The following CNTNAP5 variants were observed in gnomAD, a reference collection of about 807,000 sequenced individuals.
CNTNAP5 encodes the protein contactin-associated protein-like 5.
Under a neutral mutation model 150.2 loss-of-function variants are expected in CNTNAP5, and 72 were observed. The observed-to-expected ratio is 0.48, with a 90% CI of 0.40 to 0.58. CNTNAP5 has a LOEUF of 0.58. Among genes scored for constraint, CNTNAP5 ranks in the 20% least tolerant of loss-of-function variants. The pLI is 0.00. For synonymous variants in CNTNAP5, 672 were observed against 619.8 expected, an observed-to-expected ratio of 1.08 and a Z score of -1.25; for missense variants, 1,636 against 1,626.2, an observed-to-expected ratio of 1.01 and a Z score of -0.10.
At chr2:124,744,823 C>T (rs1015571586) in intron 13 of CNTNAP5, among the ~76,000 whole-genome samples, 3 of 152,136 alleles carry the variant, frequency 2.0e-5, no homozygotes, top group Non-Finnish European at 4.4e-5. Context: ...GTTTGATCCT[C>T]AGTATCTTCA....
chr2:124,492,298 G>A (rs2104851023), intron 7 of CNTNAP5, among the ~76,000 whole-genome samples: 1 of 152,250 alleles, frequency 6.6e-6, no homozygotes, highest in Non-Finnish European at 1.5e-5. Context: ...TGTGAGTGTT[G>A]TAAGACAAGG....
intron 2 of CNTNAP5, among the ~76,000 whole-genome samples, chr2:124,231,837 C>G (rs529263130): frequency 6.6e-6 from 1 of 152,136 alleles, no homozygotes; most frequent in South Asian, 2.1e-4. Flanking sequence ...TGTGATAGCC[C>G]TCTATTCAGG....
chr2:124,458,961 G>A (rs538956091), intron 6 of CNTNAP5, among the ~76,000 whole-genome samples: 10 of 152,204 alleles, frequency 6.6e-5, no homozygotes, highest in South Asian at 4.1e-4. Context: ...ACTGTTGATG[G>A]CACTATAATT....
chr2:124,410,745 T>G lies in CNTNAP5; in HGVS notation c.382-6698T>G, dbSNP rs912276645. On this transcript the variant is annotated intron_variant, in intron 3 of 23. Coordinates refer to ENST00000682447, the MANE Select transcript of CNTNAP5 (RefSeq NM_001367498.1). Reference sequence around the variant, plus strand: ...ATTCAGAGCAGTGTGTAGAGGGAAATTTATAGCACTAAATGCCCACAAGAG... The same window carrying G: ...ATTCAGAGCAGTGTGTAGAGGGAAAGTTATAGCACTAAATGCCCACAAGAG... Among the ~76,000 whole-genome samples the G allele has an allele frequency of 9.3e-5, 14 of 150,878 alleles. No homozygotes were observed. The East Asian group carries it at 2.7e-3, about 30-fold the overall frequency.
At chr2:124,622,695 A>C (rs917414275) in intron 12 of CNTNAP5, among the ~76,000 whole-genome samples, 5 of 151,886 alleles carry the variant, frequency 3.3e-5, no homozygotes, top group African/African-American at 1.2e-4. Flanking sequence ...ATTGGAAAAC[A>C]CTCTACTTTC....
At chr2:124,908,411 A>G (rs1678585031) in intron 22 of CNTNAP5, among the ~76,000 whole-genome samples, 2 of 152,036 alleles carry the variant, frequency 1.3e-5, no homozygotes, top group South Asian at 4.1e-4. Context: ...ACAAAACAAA[A>G]AAACAGAAAA....
chr2:124,440,168 T>G (rs935788189), intron 5 of CNTNAP5, among the ~76,000 whole-genome samples: 1 of 152,114 alleles, frequency 6.6e-6, no homozygotes, highest in South Asian at 2.1e-4. Flanking sequence ...ATATGTGAAG[T>G]GTTTAACTTG....
intron 1 of CNTNAP5, among the ~76,000 whole-genome samples, chr2:124,123,948 G>T (rs1683627222): frequency 6.6e-6 from 1 of 152,046 alleles, no homozygotes; most frequent in Non-Finnish European, 1.5e-5. Flanking sequence ...CCACAAAGAT[G>T]GAGAGAAACC....
chr2:124,142,165 A>G (rs1368778324), intron 1 of CNTNAP5, among the ~76,000 whole-genome samples: 2 of 123,292 alleles, frequency 1.6e-5, no homozygotes, highest in African/African-American at 6.4e-5. Flanking sequence ...CTACAAAGAG[A>G]CTTAGACTCC....
At chr2:124,686,452 G>A (rs1679195304) in intron 13 of CNTNAP5, among the ~76,000 whole-genome samples, 1 of 152,128 alleles carries the variant, frequency 6.6e-6, no homozygotes, top group African/African-American at 2.4e-5. Context: ...TTTAATGGAT[G>A]TGCTAAATAC....
chr2:124,722,445 A>T (rs541125298), intron 13 of CNTNAP5, among the ~76,000 whole-genome samples: 1 of 152,280 alleles, frequency 6.6e-6, no homozygotes, highest in South Asian at 2.1e-4. Context: ...GCCAAAAAGG[A>T]GAAATTGAGA....
At chr2:124,451,599 C>T (rs778987322) in intron 6 of CNTNAP5, among the ~76,000 whole-genome samples, 8 of 152,030 alleles carry the variant, frequency 5.3e-5, no homozygotes, top group Non-Finnish European at 1.0e-4. Context: ...GCATCGTGAA[C>T]TTTGGCTCCA....
At chr2:124,620,124 G>T (rs777134744) in intron 12 of CNTNAP5, among the ~76,000 whole-genome samples, 1 of 151,696 alleles carries the variant, frequency 6.6e-6, no homozygotes, top group Non-Finnish European at 1.5e-5. Context: ...GCTCCTTGTT[G>T]GAAAATAAGG....
intron 16 of CNTNAP5, among the ~76,000 whole-genome samples, chr2:124,765,924 C>A (rs956917701): frequency 6.6e-6 from 1 of 151,716 alleles, no homozygotes; most frequent in African/African-American, 2.4e-5. Flanking sequence ...CTACTGCACC[C>A]CAGCCTGGGT....
At chr2:124,569,874 T>G (rs2104937907) in intron 11 of CNTNAP5, among the ~76,000 whole-genome samples, 1 of 152,336 alleles carries the variant, frequency 6.6e-6, no homozygotes, top group South Asian at 2.1e-4. Context: ...GGGACAACAC[T>G]TGCTTTAACA....
At chr2:124,049,555 A>T (rs1297968230) in intron 1 of CNTNAP5, among the ~76,000 whole-genome samples, 1 of 152,158 alleles carries the variant, frequency 6.6e-6, no homozygotes, top group Admixed American at 6.5e-5. Context: ...AATAATAAAA[A>T]TTACCAGTTT....
chr2:124,853,583 TC>T (rs1482558032), intron 19 of CNTNAP5, among the ~76,000 whole-genome samples: 1 of 152,224 alleles, frequency 6.6e-6, no homozygotes, highest in Non-Finnish European at 1.5e-5. Flanking sequence ...CTTTTTGTTT[TC>T]CAAACTAAGT....
rs747258202 is a variant in CNTNAP5, at chr2:124,918,548, G to T, written c.*4260G>T. ...CAACTTATCCAGTCCAAGATATCCA[G>T]GGAGATGAGGATGAGACCTGTTGAA... On this transcript the variant is annotated 3_prime_UTR_variant, in exon 24 of 24. Coordinates refer to ENST00000682447, the MANE Select transcript of CNTNAP5 (RefSeq NM_001367498.1). Among the ~76,000 whole-genome samples, 22 of 152,024 alleles carry T rather than the reference G, an allele frequency of 1.4e-4. No individual in the cohort carries two copies. Among genetic ancestry groups the T allele is most frequent in the Non-Finnish European group, 2.9e-4 (20 of 67,986 alleles).
chr2:124,088,244 T>C (rs189950899), intron 1 of CNTNAP5, among the ~76,000 whole-genome samples: 2 of 152,278 alleles, frequency 1.3e-5, no homozygotes. Flanking sequence ...TCTGAGGATT[T>C]TATTACATTT....
Sources: gnomAD v4.1 joint callset for allele counts (sites outside exome capture counted in the v4.1 genomes callset) on GRCh38, gnomAD v4.1.1 for gene constraint, MANE v1.5 for transcripts, NCBI Gene and HGNC (gene_info 2026-07-23, HGNC 2026-07-21) for gene names.